MYO1F: variants seen among roughly 807,000 people sequenced by gnomAD.
MYO1F encodes the protein myosin IF, also known as unconventional myosin-If.
MYO1F carries 60 observed loss-of-function variants against 146.6 expected under a neutral mutation model. That is an observed-to-expected ratio of 0.41 (90% CI 0.33 to 0.51). MYO1F has a LOEUF of 0.51. MYO1F is among the 20% of genes least tolerant of loss of function. The probability of loss-of-function intolerance (pLI) is 0.25; values close to 1 mark genes in which losing one functional copy is unlikely to be tolerated. For missense variants in MYO1F, 1,274 were observed against 1,534.3 expected (o/e 0.83, Z 2.83); for synonymous variants, 602 against 602.1 (o/e 1.00, Z 0.00).
At position 8,523,233 on chromosome 19, in the gene MYO1F, T is replaced by C. The variant is rs10414158; in HGVS notation, c.2855-404A>G. Among the ~76,000 whole-genome samples the C allele has an allele frequency of 7.6e-3, 1,150 of 152,058 alleles. 5 individuals are homozygous for C. The highest frequency in any genetic ancestry group is 0.011 in the African/African-American group (436 of 41,490). On this transcript the variant is annotated intron_variant, in intron 25 of 27. Coordinates refer to ENST00000644032, the MANE Select transcript of MYO1F (RefSeq NM_012335.4). ...TATTTTTAGTAGAGACGGAGTTTCA[T>C]CATGTTAGCCAGGATGGTCTCGATC...
chr19:8,553,095 G>T, intron 6 of MYO1F, 44 bp downstream of exon 6: 1 of 1,569,222 alleles, frequency 6.4e-7, no homozygotes. Flanking sequence ...AGAAAGGTCA[G>T]CACGGAGGGA....
intron 18 of MYO1F, 29 bp from the exon 19 acceptor site, chr19:8,536,425 T>G (rs1972716042): frequency 6.2e-7 from 1 of 1,603,948 alleles, no homozygotes; most frequent in Non-Finnish European, 8.5e-7. Context: ...GGTGTGGGAG[T>G]GCTCATAGCA....
rs567938104 is a variant in MYO1F, at chr19:8,573,365, C to G, written c.3+3942G>C. On this transcript the variant is annotated intron_variant, in intron 1 of 27. Transcript: ENST00000644032. ...TCCTCACATGACCACCATCACCAACCAAAGGCAACCAGTGAACGTCTTCAC... is the reference window on the plus strand; with the variant it reads ...TCCTCACATGACCACCATCACCAACGAAAGGCAACCAGTGAACGTCTTCAC... Among the ~76,000 whole-genome samples the G allele has an allele frequency of 3.3e-5, 5 of 151,992 alleles. No homozygotes were observed. In the South Asian group the frequency reaches 6.2e-4, roughly 19 times the overall value.
intron 8 of MYO1F, 189 bp downstream of exon 8, chr19:8,551,551 C>T (rs1599990331): frequency 4.2e-6 from 3 of 712,254 alleles, no homozygotes; most frequent in Admixed American, 4.9e-5. Context: ...GGGGTTTAAC[C>T]ACGTTGGCCA....
chr19:8,531,385 G>A (rs1031992432), intron 19 of MYO1F, among the ~76,000 whole-genome samples: 11 of 152,232 alleles, frequency 7.2e-5, no homozygotes, highest in Admixed American at 3.9e-4. Flanking sequence ...GTCTCGCTCC[G>A]TCGCCCAGAC....
At chr19:8,542,136 TG>T (rs1390149339) in intron 14 of MYO1F, 145 bp from the exon 15 acceptor site, 6 of 594,654 alleles carry the variant, frequency 1.0e-5, no homozygotes, top group African/African-American at 2.0e-5. Flanking sequence ...CAGCGCTGGC[TG>T]GGGGGTATCT....
intron 12 of MYO1F, among the ~76,000 whole-genome samples, chr19:8,546,735 A>G (rs760618248): frequency 7.2e-5 from 11 of 151,776 alleles, no homozygotes; most frequent in Admixed American, 2.0e-4. Context: ...CTGGAGTGCA[A>G]TGGCACAATC....
rs756813336 is a variant in MYO1F at position 8,554,678 on chromosome 19, A to G, written c.207T>C (p.Arg69=). 19 of 1,613,214 alleles carry G rather than the reference A, an allele frequency of 1.2e-5. No individual in the cohort carries two copies. The highest frequency in any genetic ancestry group is 1.6e-5 in the Non-Finnish European group (19 of 1,179,514). Residue 69 remains arginine (R), a synonymous_variant, in exon 3 of 28, where the codon CGT becomes CGC. Transcript: ENST00000644032. ...PFKQMPYFTD[R]EIDLYQGAAQ... is the part of the protein sequence containing the mutation. ...CCGCGCCCTGATAGAGGTCGATCTC[A>G]CGGTCGGTGAAGTAGGGCATCTGCT...
rs1972456798 is a variant in MYO1F at position 8,530,798 on chromosome 19, G to C, written c.2044-225C>G. On this transcript the variant is annotated intron_variant, in intron 19 of 27. Coordinates refer to ENST00000644032, the MANE Select transcript of MYO1F (RefSeq NM_012335.4). This position sits in a 1 kb window ranked among gnomAD's most constrained non-coding sequence, Gnocchi z 5.8. ...CTCACGCCTGTAATCCTAGCACTTC[G>C]GGAGGCCGAGGCGGGTGGATCACCT... 6.6e-6 allele frequency among the ~76,000 whole-genome samples: 1 copy of C among 152,204 alleles called. No individual in the cohort carries two copies. The highest frequency in any genetic ancestry group is 2.4e-5 in the African/African-American group (1 of 41,468).
chr19:8,574,137 C>T (rs1213523618), intron 1 of MYO1F, among the ~76,000 whole-genome samples: 1 of 152,112 alleles, frequency 6.6e-6, no homozygotes, highest in African/African-American at 2.4e-5. Flanking sequence ...TGAAAACAAT[C>T]CACCACCAAC....
At chr19:8,549,306 C>T (rs1973504738) in intron 10 of MYO1F, among the ~76,000 whole-genome samples, 1 of 151,986 alleles carries the variant, frequency 6.6e-6, no homozygotes, top group Non-Finnish European at 1.5e-5. Context: ...GGGTCTCAGT[C>T]TGTTGTCCAG....
At chr19:8,575,179 C>T (rs1020356402) in intron 1 of MYO1F, among the ~76,000 whole-genome samples, 5 of 150,804 alleles carry the variant, frequency 3.3e-5, no homozygotes, top group African/African-American at 7.3e-5. Context: ...CGGGTTCAAG[C>T]GATTCTCCTG....
chr19:8,556,379 T>C (rs1179356484), intron 1 of MYO1F, among the ~76,000 whole-genome samples: 1 of 147,374 alleles, frequency 6.8e-6, no homozygotes, highest in African/African-American at 2.5e-5. Context: ...CAGTGGCTCA[T>C]GCCCGTAATC....
In MYO1F at chr19:8,544,579, C is replaced by CT; in HGVS notation, c.1357-116dup. 4 of 657,096 alleles carry CT rather than the reference C, an allele frequency of 6.1e-6. No individual in the cohort carries two copies. In the South Asian group the frequency reaches 7.4e-5, roughly 12 times the overall value. 40.7% of individuals were successfully genotyped at this position (657,096 alleles called of 1,614,324 possible). Reference sequence around the variant, plus strand: ...GGTGGAGGAGTGGAGGGAGCTAGAGCTTTGGGGGTGGGGAGGGCACCAGGG... The same window carrying CT: ...GGTGGAGGAGTGGAGGGAGCTAGAGCTTTTGGGGGTGGGGAGGGCACCAGGG... On this transcript the variant is annotated intron_variant, in intron 13 of 27. Transcript: ENST00000644032.
At position 8,522,804 on chromosome 19, in the gene MYO1F, G is replaced by A. The variant is rs2145819161; in HGVS notation, c.2880C>T (p.Pro960=). The A allele has an allele frequency of 6.3e-7, 1 of 1,587,348 alleles. No individual in the cohort carries two copies. ...PRGMDRNGVP[P]SARGGPLPLE... ...GGGGCAGGGGGCCCCCTCTGGCAGA[G>A]GGGGGCACCCCATTGCGATCCATGC... The change falls in exon 26 of 28, where the codon CCC becomes CCT. Residue 960 remains proline, a synonymous_variant. Coordinates refer to ENST00000644032, the MANE Select transcript of MYO1F (RefSeq NM_012335.4).
intron 4 of MYO1F, among the ~76,000 whole-genome samples, chr19:8,553,894 A>ACACACACACT: frequency 0.017 from 1,715 of 102,646 alleles, 61 homozygotes; most frequent in African/African-American, 0.064. Flanking sequence ...ACACACACAC[A>ACACACACACT]CTCTCTCTCT....
chr19:8,575,326 C>G (rs552727051), intron 1 of MYO1F, among the ~76,000 whole-genome samples: 1 of 152,016 alleles, frequency 6.6e-6, no homozygotes. Context: ...CTGCCCGCCT[C>G]GGCCTCCCAA....
intron 1 of MYO1F, among the ~76,000 whole-genome samples, chr19:8,575,169 C>T (rs1010710461): frequency 6.0e-5 from 9 of 151,090 alleles, no homozygotes; most frequent in South Asian, 4.2e-4. Context: ...CTCCGCCTCC[C>T]GGGTTCAAGC....
In MYO1F at chr19:8,530,089, A is replaced by G. The variant is rs1972417565; in HGVS notation, c.2328+107T>C. 5 of 1,472,962 alleles carry G rather than the reference A, an allele frequency of 3.4e-6. No homozygotes were observed. The Admixed American group carries it at 8.4e-5, about 25-fold the overall frequency. The allele number at this position is 1,472,962 out of a possible 1,614,324, so 91.2% of individuals were successfully genotyped here. A position where few individuals can be genotyped will look rare whatever the true frequency, so the allele number is the denominator to read the frequency against. On this transcript the variant is annotated intron_variant, in intron 21 of 27. Transcript: ENST00000644032. The surrounding 1 kb of genome is among the most constrained non-coding windows in gnomAD (Gnocchi z 5.8). ...TGAGGGTGTACCTGTGATGGAACAGATGGATCTAGGCTGGGGGATATCTGG... is the reference window on the plus strand; with the variant it reads ...TGAGGGTGTACCTGTGATGGAACAGGTGGATCTAGGCTGGGGGATATCTGG...
Sources: gnomAD v4.1 joint callset for allele counts (sites outside exome capture counted in the v4.1 genomes callset) on GRCh38, gnomAD v4.1.1 for gene constraint, Gnocchi (gnomAD v3.1) non-coding constraint, MANE v1.5 for transcripts, NCBI Gene and HGNC (gene_info 2026-07-23, HGNC 2026-07-21) for gene names.